Variants in POU3F3 observed in about 807,000 individuals in gnomAD.
POU3F3 encodes POU class 3 homeobox 3.
POU3F3 carries 1 observed loss-of-function variant against 8.6 expected under a neutral mutation model. The observed-to-expected ratio is 0.12, with a 90% CI of 0.04 to 0.55. The LOEUF (loss-of-function observed/expected upper bound fraction) is 0.55. POU3F3 is among the 20% of genes least tolerant of loss of function. POU3F3 has a pLI of 0.91. For missense variants in POU3F3, 577 were observed against 690.7 expected (o/e 0.84, Z 1.84); for synonymous variants, 418 against 327.4 (o/e 1.28, Z -2.99).
At chr2:104,890,415 G>T in the POU3F3 span, among the ~76,000 whole-genome samples, 6 of 152,102 alleles carry the variant, frequency 3.9e-5, no homozygotes, top group African/African-American at 1.4e-4. Context: ...GCAGCACAAG[G>T]TTTGTCCTTC....
the POU3F3 span, among the ~76,000 whole-genome samples, chr2:104,920,286 A>AT: frequency 6.6e-6 from 1 of 152,212 alleles, no homozygotes; most frequent in African/African-American, 2.4e-5. Flanking sequence ...AAGTACTGGG[A>AT]TTACAGGCGT....
At chr2:104,927,000 T>C in the POU3F3 span, among the ~76,000 whole-genome samples, 2 of 152,062 alleles carry the variant, frequency 1.3e-5, no homozygotes, top group Admixed American at 6.6e-5. Context: ...AAACACCTAA[T>C]GTAGATGATG....
the POU3F3 span, among the ~76,000 whole-genome samples, chr2:104,879,117 AAATCTTCAGTACACACGT>A: frequency 4.6e-5 from 7 of 152,012 alleles, no homozygotes; most frequent in Non-Finnish European, 7.4e-5. Context: ...AACACACTCA[AAATCTTCAGTACACACGT>A]AATCTTCAGT....
the POU3F3 span, among the ~76,000 whole-genome samples, chr2:104,882,199 G>C: frequency 6.6e-6 from 1 of 150,954 alleles, no homozygotes; most frequent in African/African-American, 2.4e-5. Context: ...GACAAAATCA[G>C]CTTTCTGATT....
At chr2:104,904,229 G>T in the POU3F3 span, among the ~76,000 whole-genome samples, 2 of 152,188 alleles carry the variant, frequency 1.3e-5, no homozygotes, top group Non-Finnish European at 1.5e-5. Flanking sequence ...GGAACGGTTG[G>T]AGGGTCAACT....
chr2:104,855,947 G>A lies in POU3F3; in HGVS notation c.437G>A (p.Gly146Asp). 9.4e-7 allele frequency: 1 copy of A among 1,060,064 alleles called. No homozygotes were observed. The highest frequency in any genetic ancestry group is 4.9e-5 in the Admixed American group (1 of 20,516). 65.7% of individuals were successfully genotyped at this position (1,060,064 alleles called of 1,614,324 possible). A position where few individuals can be genotyped will look rare whatever the true frequency, so the allele number is the denominator to read the frequency against. Reference protein sequence around the residue: ...PPQPPPPPPQGPDVKGGAGRD... With the variant: ...PPQPPPPPPQDPDVKGGAGRD... ...CAGCCGCCGCCGCCACCGCCGCAGGGCCCCGACGTGAAGGGCGGCGCCGGG... is the reference window on the plus strand; with the variant it reads ...CAGCCGCCGCCGCCACCGCCGCAGGACCCCGACGTGAAGGGCGGCGCCGGG... The change falls in exon 1 of 1, where the codon GGC (glycine) becomes GAC (aspartate). Residue 146 changes from glycine (G) to aspartate (D), a missense_variant. By Grantham distance (94) the Gly-to-Asp change is moderately conservative. This residue lies in a region of POU3F3 where 484 missense variants were observed against 422.6 expected (regional missense o/e 1.15). Transcript: ENST00000361360.
At chr2:104,860,612 C>T (rs1029565019), downstream of POU3F3, among the ~76,000 whole-genome samples, 2 of 152,096 alleles carry the variant, frequency 1.3e-5, no homozygotes, top group Non-Finnish European at 2.9e-5. Context: ...GCTAGGCCCA[C>T]TTACAGTTTA....
the POU3F3 span, among the ~76,000 whole-genome samples, chr2:104,871,401 A>G: frequency 6.6e-6 from 1 of 152,216 alleles, no homozygotes; most frequent in Non-Finnish European, 1.5e-5. Context: ...TAAAAATATT[A>G]GGTAGCAGAA....
chr2:104,877,219 A>G, the POU3F3 span, among the ~76,000 whole-genome samples: 3 of 152,094 alleles, frequency 2.0e-5, no homozygotes, highest in African/African-American at 7.2e-5. Flanking sequence ...GTTTCTAGAG[A>G]GAATCACGGT....
the POU3F3 span, among the ~76,000 whole-genome samples, chr2:104,899,882 G>A: frequency 6.6e-6 from 1 of 152,192 alleles, no homozygotes; most frequent in Non-Finnish European, 1.5e-5. Flanking sequence ...AGACAGACTC[G>A]AGGTGAGGGC....
Position 104,855,949 on chromosome 2 carries a change from C to T in POU3F3, c.439C>T (p.Pro147Ser), listed in dbSNP as rs1676555093. 2 of 1,059,804 alleles carry T rather than the reference C, an allele frequency of 1.9e-6. No individual in the cohort carries two copies. The highest frequency in any genetic ancestry group is 2.7e-5 in the South Asian group (1 of 37,324). 65.7% of individuals were successfully genotyped at this position (1,059,804 alleles called of 1,614,324 possible). A position where few individuals can be genotyped will look rare whatever the true frequency, so the allele number is the denominator to read the frequency against. Residue 147 changes from proline (P) to serine (S), a missense_variant, in exon 1 of 1, where the codon CCC becomes TCC. Transcript: ENST00000361360. ...GCCGCCGCCGCCACCGCCGCAGGGC[C>T]CCGACGTGAAGGGCGGCGCCGGGCG... ...PQPPPPPPQG[P>S]DVKGGAGRDD... is the part of the protein sequence containing the mutation.
At chr2:104,884,286 G>A in the POU3F3 span, among the ~76,000 whole-genome samples, 1 of 152,146 alleles carries the variant, frequency 6.6e-6, no homozygotes, top group Admixed American at 6.5e-5. Context: ...CTAGAGGTTA[G>A]ATGCACCCAG....
At chr2:104,907,925 G>T in the POU3F3 span, among the ~76,000 whole-genome samples, 4 of 152,124 alleles carry the variant, frequency 2.6e-5, no homozygotes, top group African/African-American at 7.2e-5. Context: ...GAATGAATGT[G>T]TGAGAGTGTG....
chr2:104,891,942 GCATTATGC>G, the POU3F3 span, among the ~76,000 whole-genome samples: 6 of 152,084 alleles, frequency 3.9e-5, no homozygotes, highest in Non-Finnish European at 7.4e-5. Context: ...AGCCTAAAGC[GCATTATGC>G]TTATAGCTCA....
chr2:104,889,730 T>TAAGAAGA, the POU3F3 span, among the ~76,000 whole-genome samples: 1 of 152,246 alleles, frequency 6.6e-6, no homozygotes, highest in South Asian at 2.1e-4. Flanking sequence ...TTCATGTTCC[T>TAAGAAGA]ACCTGGCATC....
At chr2:104,905,416 G>A in the POU3F3 span, among the ~76,000 whole-genome samples, 1 of 152,290 alleles carries the variant, frequency 6.6e-6, no homozygotes, top group South Asian at 2.1e-4. Flanking sequence ...TGAATGGTAT[G>A]TCAGATTTTA....
At position 104,857,114 on chromosome 2, in the gene POU3F3, CGCT is replaced by C. The variant is rs914994039; in HGVS notation, c.*104_*106del. 2.3e-4 allele frequency: 218 copies of C among 949,818 alleles called. 2 individuals are homozygous for C. In the South Asian group the frequency reaches 5.7e-3, roughly 25 times the overall value. The allele number at this position is 949,818 out of a possible 1,614,324, so 58.8% of individuals were successfully genotyped here. ...CCGCCGCCGCCGCCGCCGCCGCCGCCGCTGCCGCCGCCGCGCCGACCCTGCACC... is the reference window on the plus strand; with the variant it reads ...CCGCCGCCGCCGCCGCCGCCGCCGCCGCCGCCGCCGCGCCGACCCTGCACC... On this transcript the variant is annotated 3_prime_UTR_variant, in exon 1 of 1. Transcript: ENST00000361360.
At chr2:104,892,245 G>A in the POU3F3 span, among the ~76,000 whole-genome samples, 1 of 152,182 alleles carries the variant, frequency 6.6e-6, no homozygotes, top group African/African-American at 2.4e-5. Flanking sequence ...CCATCACAGA[G>A]AGAGCAAGAG....
chr2:104,882,243 ATTTT>A, the POU3F3 span, among the ~76,000 whole-genome samples: 2 of 111,282 alleles, frequency 1.8e-5, no homozygotes, highest in African/African-American at 7.5e-5. Flanking sequence ...GAAAACCTGA[ATTTT>A]TTTTTTTTTT....
Sources: gnomAD v4.1 joint callset for allele counts (sites outside exome capture counted in the v4.1 genomes callset) on GRCh38, gnomAD v4.1.1 for gene constraint, gnomAD v4.1.1 regional missense constraint, MANE v1.5 for transcripts, NCBI Gene and HGNC (gene_info 2026-07-23, HGNC 2026-07-21) for gene names.